CNGA3: variants seen among roughly 807,000 people sequenced by gnomAD.
CNGA3 encodes the protein cyclic nucleotide gated channel subunit alpha 3.
Under a neutral mutation model 46.6 loss-of-function variants are expected in CNGA3, and 42 were observed. The observed-to-expected ratio is 0.90, with a 90% CI of 0.70 to 1.17. The LOEUF (loss-of-function observed/expected upper bound fraction) is 1.17. CNGA3 is among the 50% of genes most tolerant of loss of function. The pLI is 0.00. For synonymous variants in CNGA3, 394 were observed against 369.4 expected (o/e 1.07, Z -0.76); for missense variants, 893 against 890.7 (o/e 1.00, Z -0.03).
At chr2:98,362,096 G>A (rs1215204076) in intron 1 of CNGA3, among the ~76,000 whole-genome samples, 4 of 150,476 alleles carry the variant, frequency 2.7e-5, no homozygotes, top group Admixed American at 1.3e-4. Context: ...GATCAGTGAC[G>A]TTAAGCTTTT....
rs367597798 is a variant in CNGA3 at position 98,396,038 on chromosome 2, C to T, written c.868C>T (p.Arg290Cys). 4.1e-5 allele frequency: 66 copies of T among 1,614,060 alleles called. 1 individual carries two copies. Among genetic ancestry groups the T allele is most frequent in the Middle Eastern group, 1.6e-4 (1 of 6,084 alleles). The change falls in exon 8 of 8, where the codon CGC (arginine) becomes TGC (cysteine). Residue 290 changes from arginine to cysteine, a missense_variant. Physicochemically the swap from Arg to Cys is radical, Grantham distance 180. This residue lies in a region of CNGA3 where 548 missense variants were observed against 570.8 expected (regional missense o/e 0.96). Coordinates refer to ENST00000272602, the MANE Select transcript of CNGA3 (RefSeq NM_001298.3). ...KFSRLFEFFD[R>C]TETRTNYPNM... ...TTCCCGGCTCTTTGAATTCTTTGAC[C>T]GCACAGAGACAAGGACCAACTACCC... is the stretch of plus-strand genomic sequence containing the variant.
intron 1 of CNGA3, among the ~76,000 whole-genome samples, chr2:98,354,042 A>C (rs1691824889): frequency 6.6e-6 from 1 of 152,202 alleles, no homozygotes; most frequent in African/African-American, 2.4e-5. Flanking sequence ...ACAACAGAAC[A>C]TGAGATTTGG....
intron 2 of CNGA3, among the ~76,000 whole-genome samples, chr2:98,374,167 C>T (rs994582943): frequency 1.3e-5 from 2 of 152,216 alleles, no homozygotes; most frequent in African/African-American, 2.4e-5. Context: ...AGTTAATTTC[C>T]AGTTCCAGTT....
chr2:98,353,269 C>CCTAA (rs59134873), intron 1 of CNGA3, among the ~76,000 whole-genome samples: 31,142 of 151,926 alleles, frequency 0.2, 3,542 homozygotes, highest in Middle Eastern at 0.3. Context: ...CATGGAGAAC[C>CCTAA]CTAACACACT....
intron 5 of CNGA3, among the ~76,000 whole-genome samples, chr2:98,387,120 T>G (rs1318597220): frequency 2.0e-5 from 3 of 152,218 alleles, no homozygotes; most frequent in Non-Finnish European, 4.4e-5. Context: ...TAGCAAAATA[T>G]TAGGAACCGT....
chr2:98,372,504 C>T (rs758591992), intron 2 of CNGA3, among the ~76,000 whole-genome samples: 5 of 152,102 alleles, frequency 3.3e-5, no homozygotes, highest in Admixed American at 6.5e-5. Flanking sequence ...CCTTCTCCTT[C>T]CTTTGCACTT....
rs999836428 is a variant in CNGA3 at position 98,397,800 on chromosome 2, T to G, written c.*545T>G. 16 of 161,632 alleles carry G rather than the reference T, an allele frequency of 9.9e-5. No homozygotes were observed. The highest frequency in any genetic ancestry group is 2.1e-4 in the Non-Finnish European group (15 of 72,976). 10.0% of individuals were successfully genotyped at this position (161,632 alleles called of 1,614,324 possible). A position where few individuals can be genotyped will look rare whatever the true frequency, so the allele number is the denominator to read the frequency against. The stretch of plus-strand genomic sequence containing the variant: ...TTGGGGCCCTAGAAACCCTGGCTTT[T>G]GGGAGTGCTATGGCAAGTAGAAGTT... On this transcript the variant is annotated 3_prime_UTR_variant, in exon 8 of 8. Transcript: ENST00000272602.
chr2:98,349,397 C>T (rs1003156408), intron 1 of CNGA3, among the ~76,000 whole-genome samples: 5 of 152,252 alleles, frequency 3.3e-5, no homozygotes, highest in South Asian at 4.1e-4. Context: ...ATGGAGACTG[C>T]GTGCTGGAGA....
At chr2:98,367,658 G>A (rs767254519) in intron 1 of CNGA3, among the ~76,000 whole-genome samples, 8 of 151,930 alleles carry the variant, frequency 5.3e-5, no homozygotes, top group Non-Finnish European at 7.4e-5. Flanking sequence ...CAATGGGCAG[G>A]CAACACCCCC....
intron 2 of CNGA3, among the ~76,000 whole-genome samples, chr2:98,372,287 A>G (rs75073706): frequency 0.01 from 1,540 of 152,274 alleles, 26 homozygotes; most frequent in African/African-American, 0.035. Context: ...GAAGATGACC[A>G]TTTGCAAAAT....
chr2:98,366,789 C>T (rs1046384456), intron 1 of CNGA3, among the ~76,000 whole-genome samples: 1 of 152,232 alleles, frequency 6.6e-6, no homozygotes, highest in African/African-American at 2.4e-5. Context: ...CCACCCCTTT[C>T]CCCAGGAGCT....
intron 4 of CNGA3, 40 bp from the exon 5 acceptor site, chr2:98,383,348 C>CA (rs768975522): frequency 6.2e-7 from 1 of 1,602,554 alleles, no homozygotes; most frequent in Non-Finnish European, 8.6e-7. Flanking sequence ...GGAATGGAAA[C>CA]AGAGTTCAGA....
intron 5 of CNGA3, among the ~76,000 whole-genome samples, chr2:98,386,626 G>A (rs1238581510): frequency 2.0e-5 from 3 of 152,204 alleles, no homozygotes; most frequent in African/African-American, 7.2e-5. Flanking sequence ...CATGAGAACA[G>A]ACTAATACAG....
At chr2:98,385,548 G>A (rs1692633507) in intron 5 of CNGA3, among the ~76,000 whole-genome samples, 1 of 151,912 alleles carries the variant, frequency 6.6e-6, no homozygotes, top group Non-Finnish European at 1.5e-5. Context: ...TTCTTCCTAG[G>A]CATATATATT....
intron 1 of CNGA3, among the ~76,000 whole-genome samples, chr2:98,362,249 G>A (rs1380911107): frequency 7.3e-5 from 10 of 136,350 alleles, no homozygotes; most frequent in East Asian, 6.4e-4. Flanking sequence ...GCACTATCTC[G>A]GCTCACTGCA....
Position 98,395,880 on chromosome 2 carries a change from A to G in CNGA3, c.710A>G (p.Asn237Ser). ...LEQGLMVSDT[N>S]RLWQHYKTTT... ...CAAGGCTTAATGGTCAGTGATACCA[A>G]CAGGCTGTGGCAGCATTACAAGACG... Residue 237 changes from asparagine (N) to serine (S), a missense_variant, in exon 8 of 8, where the codon AAC becomes AGC. By Grantham distance (46) the Asn-to-Ser change is conservative. Transcript: ENST00000272602. 6.2e-7 allele frequency: 1 copy of G among 1,614,228 alleles called. No homozygotes were observed. The highest frequency in any genetic ancestry group is 1.1e-5 in the South Asian group (1 of 91,080).
chr2:98,355,179 C>CT (rs112535860), intron 1 of CNGA3, among the ~76,000 whole-genome samples: 30,871 of 152,050 alleles, frequency 0.2, 3,518 homozygotes, highest in Middle Eastern at 0.27. Flanking sequence ...CTGTGAAATC[C>CT]TTTTGTATGT....
intron 1 of CNGA3, among the ~76,000 whole-genome samples, chr2:98,366,704 C>T (rs1692160367): frequency 6.6e-6 from 1 of 152,142 alleles, no homozygotes. Context: ...TGGGGAATTC[C>T]TCCTGGGCCC....
intron 1 of CNGA3, among the ~76,000 whole-genome samples, chr2:98,361,054 A>G (rs1401636291): frequency 6.6e-6 from 1 of 151,708 alleles, no homozygotes; most frequent in Non-Finnish European, 1.5e-5. Context: ...TCTGGGGTAC[A>G]TGCGCAGGAC....
Sources: allele counts gnomAD v4.1 joint callset (sites outside exome capture counted in the v4.1 genomes callset), GRCh38; gene constraint gnomAD v4.1.1; regional missense constraint gnomAD v4.1.1; transcripts MANE v1.5; gene names NCBI Gene and HGNC (gene_info 2026-07-23, HGNC 2026-07-21).